NWD1: variants seen among roughly 807,000 people sequenced by gnomAD.
The protein encoded by NWD1 is NACHT domain- and WD repeat-containing protein 1.
Under a neutral mutation model 135.1 loss-of-function variants are expected in NWD1, and 129 were observed. The observed-to-expected ratio is 0.96, with a 90% CI of 0.83 to 1.11. NWD1 has a LOEUF of 1.11. Among genes scored for constraint, NWD1 ranks in the 50% least tolerant of loss-of-function variants. The pLI is 0.00. For synonymous variants in NWD1, 773 were observed against 786.0 expected (o/e 0.98, Z 0.28); for missense variants, 1,740 against 1,851.3 (o/e 0.94, Z 1.10).
chr19:16,747,460 T>A (rs1968373768), intron 5 of NWD1, among the ~76,000 whole-genome samples: 1 of 152,064 alleles, frequency 6.6e-6, no homozygotes, highest in African/African-American at 2.4e-5. Context: ...CAGTGTGGCC[T>A]CCAGCTCCTG....
chr19:16,745,178 GA>G, intron 5 of NWD1: 3 of 411,952 alleles, frequency 7.3e-6, no homozygotes, highest in Non-Finnish European at 1.4e-5. Flanking sequence ...AGCGAAAGGG[GA>G]AATTCCTTAT....
At chr19:16,802,030 A>G (rs889078581) in intron 17 of NWD1, among the ~76,000 whole-genome samples, 1 of 152,062 alleles carries the variant, frequency 6.6e-6, no homozygotes. Flanking sequence ...TCACGCCTGT[A>G]GTCCCAGCAC....
intron 9 of NWD1, among the ~76,000 whole-genome samples, chr19:16,764,366 TCCA>T: frequency 2.0e-5 from 1 of 50,182 alleles, no homozygotes; most frequent in Non-Finnish European, 4.0e-5. Context: ...CTTCTGTCCA[TCCA>T]TCCATCCATC....
chr19:16,762,863 C>T (rs1420500739), intron 8 of NWD1, among the ~76,000 whole-genome samples: 1 of 152,002 alleles, frequency 6.6e-6, no homozygotes, highest in Non-Finnish European at 1.5e-5. Context: ...CAGGTCACTA[C>T]AGCCTCTGCC....
At chr19:16,803,939 A>G (rs894299443) in intron 17 of NWD1, among the ~76,000 whole-genome samples, 1 of 151,676 alleles carries the variant, frequency 6.6e-6, no homozygotes, top group Non-Finnish European at 1.5e-5. Flanking sequence ...AAAAAAAAAG[A>G]AAAAGAAAGT....
Position 16,749,941 on chromosome 19 carries a change from G to A in NWD1, c.1299G>A (p.Val433=), listed in dbSNP as rs2122807341. Residue 433 remains valine (V), a synonymous_variant, in exon 6 of 19, where the codon GTG becomes GTA. Coordinates refer to ENST00000524140, the MANE Select transcript of NWD1 (RefSeq NM_001007525.5). ...TVSCRNFESL[V]LLLDAMDDLD... The stretch of plus-strand genomic sequence containing the variant: ...CTTGCAGAAACTTCGAGTCTCTCGT[G>A]CTCCTGCTGGATGCTATGGATGACC... 6.2e-7 allele frequency: 1 copy of A among 1,613,724 alleles called. No individual in the cohort carries two copies. The highest frequency in any genetic ancestry group is 8.5e-7 in the Non-Finnish European group (1 of 1,180,032).
rs145720941 is a variant in NWD1 at position 16,789,119 on chromosome 19, G to A, written c.2869G>A (p.Ala957Thr). 248 of 1,613,974 alleles carry A rather than the reference G, an allele frequency of 1.5e-4. No individual in the cohort carries two copies. Among genetic ancestry groups the A allele is most frequent in the East Asian group, 7.1e-4 (32 of 44,876 alleles). The change falls in exon 13 of 19, where the codon GCT becomes ACT. Residue 957 changes from alanine (A) to threonine (T), a missense_variant. Transcript: ENST00000524140. The stretch of plus-strand genomic sequence containing the variant: ...TTGGGATGGAGGCTCAAAAAATCCC[G>A]CTGAACCTCAGATCTGGAACCTTCA... ...TIWDGGSKNP[A>T]EPQIWNLHVD...
At position 16,744,442 on chromosome 19, in the gene NWD1, G is replaced by A. The variant is rs1179274131; in HGVS notation, c.220G>A (p.Gly74Ser). The change falls in exon 5 of 19, where the codon GGC becomes AGC. Residue 74 changes from glycine to serine, a missense_variant. Transcript: ENST00000524140. ...CCAGGCCCTCATCGGTGATCAGTAC[G>A]GCCCCTGTCTGATTCCCTCGCGGAT... ...AFVALIGDQY[G>S]PCLIPSRIDE... is the part of the protein sequence containing the mutation. 7.8e-6 allele frequency: 12 copies of A among 1,535,582 alleles called. No individual in the cohort carries two copies. The South Asian group carries it at 1.3e-4, about 17-fold the overall frequency.
intron 13 of NWD1, among the ~76,000 whole-genome samples, chr19:16,790,442 C>T (rs996768326): frequency 2.6e-5 from 4 of 151,254 alleles, no homozygotes; most frequent in Admixed American, 2.0e-4. Context: ...ACCAGATGTA[C>T]CTATTAAACA....
In NWD1 at chr19:16,759,275, A is replaced by T; in HGVS notation, c.1820A>T (p.Glu607Val). ...AAGGATGTTTTGTCCCTGGACGACG[A>T]GGTCCTGCAGGATGTGTACCGAGAT... ...ELKDVLSLDD[E>V]VLQDVYRDWT... The change falls in exon 7 of 19, where the codon GAG becomes GTG. Residue 607 changes from glutamate to valine, a missense_variant. Physicochemically the swap from Glu to Val is moderately radical, Grantham distance 121. Coordinates refer to ENST00000524140, the MANE Select transcript of NWD1 (RefSeq NM_001007525.5). The T allele has an allele frequency of 6.2e-7, 1 of 1,614,128 alleles. No individual in the cohort carries two copies. Among genetic ancestry groups the T allele is most frequent in the Non-Finnish European group, 8.5e-7 (1 of 1,180,006 alleles).
chr19:16,780,280 C>T (rs529522642), intron 12 of NWD1, among the ~76,000 whole-genome samples: 2 of 151,776 alleles, frequency 1.3e-5, no homozygotes, highest in Non-Finnish European at 2.9e-5. Context: ...CTCAGCCTCC[C>T]GAGTAGCTGG....
Position 16,746,423 on chromosome 19 carries a change from C to T in NWD1, c.496+1705C>T, listed in dbSNP as rs562675322. Among the ~76,000 whole-genome samples, 5 of 152,128 alleles carry T rather than the reference C, an allele frequency of 3.3e-5. No individual in the cohort carries two copies. The East Asian group carries it at 9.7e-4, about 29-fold the overall frequency. On this transcript the variant is annotated intron_variant, in intron 5 of 18. Coordinates refer to ENST00000524140, the MANE Select transcript of NWD1 (RefSeq NM_001007525.5). ...GGTGCGGTGGCTCATGCCTGTAATC[C>T]CAGCACTTTGGAAGGCTGAGGCAGA...
At chr19:16,798,042 C>A (rs888493062) in intron 16 of NWD1, among the ~76,000 whole-genome samples, 156 bp downstream of exon 16, 1 of 152,062 alleles carries the variant, frequency 6.6e-6, no homozygotes, top group Non-Finnish European at 1.5e-5. Flanking sequence ...GTATCCTCCG[C>A]CCCAGTGGCA....
At chr19:16,738,423 G>A (rs2083308234) in intron 4 of NWD1, 1 of 240,400 alleles carries the variant, frequency 4.2e-6, no homozygotes, top group African/African-American at 2.3e-5. Context: ...ACACAAATTA[G>A]CCAGACGTGG....
At chr19:16,728,136 C>T (rs1008398502) in intron 2 of NWD1, among the ~76,000 whole-genome samples, 1 of 152,210 alleles carries the variant, frequency 6.6e-6, no homozygotes, top group Non-Finnish European at 1.5e-5. Flanking sequence ...CTGCCTAACT[C>T]CACATTCAGT....
In NWD1 at chr19:16,731,315, AT is replaced by A. The variant is rs541147031; in HGVS notation, c.81+46del. On this transcript the variant is annotated intron_variant, in intron 3 of 18. Transcript: ENST00000524140. ...TCACTCCGGGCTCCATGCTTTTTTT[AT>A]TTTTTTTTGACACGTAGTTCTTGCT... The A allele has an allele frequency of 4.9e-3, 6,248 of 1,275,362 alleles. 26 individuals are homozygous for A. The highest frequency in any genetic ancestry group is 8.9e-3 in the South Asian group (676 of 76,270). 79.0% of individuals were successfully genotyped at this position (1,275,362 alleles called of 1,614,324 possible). A position where few individuals can be genotyped will look rare whatever the true frequency, so the allele number is the denominator to read the frequency against.
chr19:16,754,703 GCATC>G lies in NWD1; in HGVS notation c.1769+4309_1769+4312del, dbSNP rs201376808. On this transcript the variant is annotated intron_variant, in intron 6 of 18. Coordinates refer to ENST00000524140, the MANE Select transcript of NWD1 (RefSeq NM_001007525.5). ...ATCTTCCATCCATCCATCATCTCTA[GCATC>G]CATCCATCCATCCATCATCTCTATC... 2.2e-4 allele frequency among the ~76,000 whole-genome samples: 26 copies of G among 120,160 alleles called. No homozygotes were observed. In the South Asian group the frequency reaches 4.9e-3, roughly 22 times the overall value. The allele number at this position is 120,160 out of a possible 152,430, so 78.8% of individuals were successfully genotyped here. A position where few individuals can be genotyped will look rare whatever the true frequency, so the allele number is the denominator to read the frequency against.
chr19:16,752,685 C>T (rs554151225), intron 6 of NWD1, among the ~76,000 whole-genome samples: 1 of 152,206 alleles, frequency 6.6e-6, no homozygotes, highest in African/African-American at 2.4e-5. Context: ...GATTTCCCGA[C>T]TGGCTTACAC....
intron 11 of NWD1, among the ~76,000 whole-genome samples, chr19:16,776,368 G>GACC (rs1288488573): frequency 6.6e-6 from 1 of 151,914 alleles, no homozygotes; most frequent in Non-Finnish European, 1.5e-5. Context: ...AGGAGTTCAA[G>GACC]ACCAGCCTGG....
Sources: gnomAD v4.1 joint callset for allele counts (sites outside exome capture counted in the v4.1 genomes callset) on GRCh38, gnomAD v4.1.1 for gene constraint, MANE v1.5 for transcripts, NCBI Gene and HGNC (gene_info 2026-07-23, HGNC 2026-07-21) for gene names.